RHPN1: variants seen among roughly 807,000 people sequenced by gnomAD.
The protein encoded by RHPN1 is rhophilin Rho GTPase binding protein 1, also known as rhophilin-1.
Under a neutral mutation model 74.7 loss-of-function variants are expected in RHPN1, and 77 were observed. That is an observed-to-expected ratio of 1.03 (90% CI 0.86 to 1.25). RHPN1 has a LOEUF of 1.25. RHPN1 is among the 50% of genes most tolerant of loss of function. The pLI, the probability that RHPN1 is intolerant of heterozygous loss-of-function variation, is 0.00. For missense variants in RHPN1, 987 were observed against 932.2 expected (o/e 1.06, Z -0.77); for synonymous variants, 444 against 414.5 (o/e 1.07, Z -0.87).
intron 3 of RHPN1, 79 bp downstream of exon 3, chr8:143,376,732 T>C (rs1818251485): frequency 7.1e-7 from 1 of 1,412,630 alleles, no homozygotes; most frequent in Admixed American, 2.0e-5. Context: ...TGTGCACGCA[T>C]GTGTGTCTCT....
chr8:143,379,122 G>A (rs1372053949), intron 7 of RHPN1, 44 bp downstream of exon 7: 2 of 1,452,240 alleles, frequency 1.4e-6, no homozygotes, highest in African/African-American at 2.9e-5. Context: ...GCGGTGCCAG[G>A]GTGTTGCAGA....
At chr8:143,381,219 G>A (rs749605986) in intron 11 of RHPN1, 49 bp from the exon 12 acceptor site, 16 of 1,516,588 alleles carry the variant, frequency 1.1e-5, no homozygotes, top group Non-Finnish European at 1.4e-5. Flanking sequence ...AATCCCCGAG[G>A]CAGGTCTCCA....
In RHPN1 at chr8:143,374,603, A is replaced by G. The variant is rs1431755542; in HGVS notation, c.61-950A>G. 2.0e-5 allele frequency among the ~76,000 whole-genome samples: 3 copies of G among 152,176 alleles called. No individual in the cohort carries two copies. In the East Asian group the frequency reaches 5.8e-4, roughly 29 times the overall value. On this transcript the variant is annotated intron_variant, in intron 1 of 14. Coordinates refer to ENST00000289013, the MANE Select transcript of RHPN1 (RefSeq NM_052924.3). ...ACGCCTGGGAGCCCACCCAGGGGAC[A>G]GCCACAGGTAGCTGCAAATAATCTT...
rs754504177 is a variant in RHPN1 at position 143,379,376 on chromosome 8, G to A, written c.813G>A (p.Ala271=). The A allele has an allele frequency of 8.7e-6, 14 of 1,601,512 alleles. No homozygotes were observed. The East Asian group carries it at 1.1e-4, about 13-fold the overall frequency. Residue 271 remains alanine (A), a synonymous_variant, in exon 8 of 15, where the codon GCG becomes GCA. Coordinates refer to ENST00000289013, the MANE Select transcript of RHPN1 (RefSeq NM_052924.3). ...SHAPSPDMSA[A]SLCALEQLMM... Reference sequence around the variant, plus strand: ...CGCCGAGCCCAGACATGAGCGCTGCGTCCCTCTGCGCACTGGAGCAGCTCA... The same window carrying A: ...CGCCGAGCCCAGACATGAGCGCTGCATCCCTCTGCGCACTGGAGCAGCTCA...
At chr8:143,376,382 A>G (rs1476771548) in intron 2 of RHPN1, 143 bp from the exon 3 acceptor site, 1 of 1,212,012 alleles carries the variant, frequency 8.3e-7, no homozygotes, top group African/African-American at 1.5e-5. Context: ...TGCCCCACCC[A>G]TGGGGGGCAG....
At chr8:143,372,102 G>T (rs532668328) in intron 1 of RHPN1, among the ~76,000 whole-genome samples, 1 of 152,148 alleles carries the variant, frequency 6.6e-6, no homozygotes, top group Non-Finnish European at 1.5e-5. Flanking sequence ...CAGGCTCCCC[G>T]CAGCTCTCCT....
chr8:143,374,579 C>T (rs1026476725), intron 1 of RHPN1, among the ~76,000 whole-genome samples: 4 of 152,232 alleles, frequency 2.6e-5, no homozygotes, highest in African/African-American at 9.6e-5. Flanking sequence ...AGCCAGCCCA[C>T]GCCTGGGAGC....
chr8:143,369,545 C>T (rs1284947229), intron 1 of RHPN1, among the ~76,000 whole-genome samples: 1 of 152,236 alleles, frequency 6.6e-6, no homozygotes, highest in East Asian at 1.9e-4. Flanking sequence ...ACTTCCCAAA[C>T]CTCCTTCCCT....
At chr8:143,367,116 G>C (rs1487924529), upstream of RHPN1, 1 of 152,246 alleles carries the variant, frequency 6.6e-6, no homozygotes, top group African/African-American at 2.4e-5. Flanking sequence ...GAGAAGGACG[G>C]GTGGGAACCC....
chr8:143,378,356 T>TCGGGGGGGGGGGGG lies in RHPN1; in HGVS notation c.459+11_459+12insGGGGGGGGGGGGGC. The stretch of plus-strand genomic sequence containing the variant: ...GGAGGCCCTGCGGCAGGTGTGTGGT[T>TCGGGGGGGGGGGGG]CCCCCGCCCACCCACCCTCCTGCAG... On this transcript the variant is annotated intron_variant, in intron 5 of 14. Coordinates refer to ENST00000289013, the MANE Select transcript of RHPN1 (RefSeq NM_052924.3). The TCGGGGGGGGGGGGG allele has an allele frequency of 2.4e-5, 37 of 1,525,322 alleles. No homozygotes were observed. The highest frequency in any genetic ancestry group is 3.1e-5 in the Non-Finnish European group (35 of 1,136,244). The allele number at this position is 1,525,322 out of a possible 1,614,324, so 94.5% of individuals were successfully genotyped here.
rs1563798696 is a variant in RHPN1 at position 143,378,969 on chromosome 8, C to T, written c.642C>T (p.Gly214=). ...AQQRALAFEK[G]SVLFNIGALH... ...AGCGTGCCCTGGCCTTCGAGAAGGG[C>T]AGCGTTCTCTTCAACATCGGTGCCC... The change falls in exon 7 of 15, where the codon GGC becomes GGT. Residue 214 remains glycine (G), a synonymous_variant. Transcript: ENST00000289013. The T allele has an allele frequency of 6.4e-7, 1 of 1,565,882 alleles. No homozygotes were observed. Among genetic ancestry groups the T allele is most frequent in the Non-Finnish European group, 8.7e-7 (1 of 1,156,034 alleles).
In RHPN1 at chr8:143,379,041, T is replaced by C; in HGVS notation, c.714T>C (p.Gly238=). ...GCCAGGACCGCTCCTGCACCGAGGG[T>C]GCCCGCCGCGCTATGGAGGCCTTCC... ...GARQDRSCTE[G]ARRAMEAFQR... Residue 238 remains glycine (G), a synonymous_variant, in exon 7 of 15, where the codon GGT becomes GGC. Transcript: ENST00000289013. 1 of 1,542,678 alleles carries C rather than the reference T, an allele frequency of 6.5e-7. No homozygotes were observed. The highest frequency in any genetic ancestry group is 8.7e-7 in the Non-Finnish European group (1 of 1,143,848).
At chr8:143,364,539 C>T (rs548614688), upstream of RHPN1, among the ~76,000 whole-genome samples, 136 of 152,224 alleles carry the variant, frequency 8.9e-4, no homozygotes, top group African/African-American at 3.2e-3. This position sits in a 1 kb window ranked among gnomAD's most constrained non-coding sequence, Gnocchi z 4.5. Flanking sequence ...CTCTCTTTGT[C>T]CCCATGTGGC....
chr8:143,380,075 A>G lies in RHPN1; in HGVS notation c.1116A>G (p.Gly372=). Residue 372 remains glycine, a synonymous_variant, in exon 10 of 15, where the codon GGA becomes GGG. Transcript: ENST00000289013. The stretch of plus-strand genomic sequence containing the variant: ...TCTGTCCCCCAGCAGCGACCGAGGG[A>G]GAGCTCCCCACGCACGAGCAGGTCT... ...ALCDGSPATE[G]ELPTHEQVFL... is the part of the protein sequence containing the mutation. 6.5e-7 allele frequency: 1 copy of G among 1,549,794 alleles called. No individual in the cohort carries two copies. Among genetic ancestry groups the G allele is most frequent in the Non-Finnish European group, 8.7e-7 (1 of 1,147,610 alleles).
chr8:143,375,571 C>G lies in RHPN1; in HGVS notation c.79C>G (p.Gln27Glu). The G allele has an allele frequency of 6.2e-7, 1 of 1,600,884 alleles. No individual in the cohort carries two copies. Among genetic ancestry groups the G allele is most frequent in the Non-Finnish European group, 8.5e-7 (1 of 1,175,606 alleles). ...CCTGCAGGGCTGTGACTCCCTGACG[C>G]AGATCCAGTGCGGCCAGCTGCAGAG... ...PRLQGCDSLT[Q>E]IQCGQLQSRR... Residue 27 changes from glutamine to glutamate, a missense_variant, in exon 2 of 15, where the codon CAG becomes GAG. Transcript: ENST00000289013.
chr8:143,379,715 G>A, intron 8 of RHPN1, 114 bp from the exon 9 acceptor site: 1 of 1,460,422 alleles, frequency 6.8e-7, no homozygotes, highest in Non-Finnish European at 9.0e-7. Context: ...CAGGAACTGA[G>A]GTGCCAGGGA....
intron 1 of RHPN1, among the ~76,000 whole-genome samples, chr8:143,372,487 G>A (rs143463441): frequency 0.011 from 1,709 of 152,198 alleles, 52 homozygotes; most frequent in South Asian, 0.058. Flanking sequence ...AGTGCACATC[G>A]GCCCGTCCGC....
At chr8:143,367,929 C>G (rs934321017), upstream of RHPN1, 1 of 152,366 alleles carries the variant, frequency 6.6e-6, no homozygotes, top group Non-Finnish European at 1.5e-5. Context: ...AGGACACACA[C>G]AGCCGGGTGA....
At chr8:143,378,652 G>A (rs1220975514) in intron 5 of RHPN1, 44 bp from the exon 6 acceptor site, 2 of 1,578,516 alleles carry the variant, frequency 1.3e-6, no homozygotes, top group Non-Finnish European at 8.6e-7. Context: ...GTGTGTGAGT[G>A]GGGTGGGCCA....
Sources: gnomAD v4.1 joint callset for allele counts (sites outside exome capture counted in the v4.1 genomes callset) on GRCh38, gnomAD v4.1.1 for gene constraint, Gnocchi (gnomAD v3.1) non-coding constraint, MANE v1.5 for transcripts, NCBI Gene and HGNC (gene_info 2026-07-23, HGNC 2026-07-21) for gene names.